The following EXT1 variants were observed in gnomAD, a reference collection of about 807,000 sequenced individuals.
The protein encoded by EXT1 is exostosin-1.
EXT1 carries 20 observed loss-of-function variants against 82.5 expected under a neutral mutation model. The observed-to-expected ratio is 0.24, with a 90% CI of 0.17 to 0.35. The LOEUF (loss-of-function observed/expected upper bound fraction) is 0.35, where lower values mean the gene tolerates loss of function less well. EXT1 is among the 10% of genes least tolerant of loss of function. The pLI, the probability that EXT1 is intolerant of heterozygous loss-of-function variation, is 1.00. For missense variants in EXT1, 757 were observed against 936.5 expected (o/e 0.81, Z 2.50); for synonymous variants, 348 against 350.8 (o/e 0.99, Z 0.09).
At chr8:117,807,694 CAAA>C (rs1823259395) in intron 8 of EXT1, among the ~76,000 whole-genome samples, 1 of 152,116 alleles carries the variant, frequency 6.6e-6, no homozygotes, top group African/African-American at 2.4e-5. Context: ...CCCCCTTCCT[CAAA>C]GGTGCACGTG....
chr8:117,970,465 G>C (rs1586316593), intron 1 of EXT1, among the ~76,000 whole-genome samples: 1 of 152,162 alleles, frequency 6.6e-6, no homozygotes, highest in Non-Finnish European at 1.5e-5. Context: ...ACCATGCCTG[G>C]CTAATTTTTT....
chr8:117,906,093 A>G (rs934287175), intron 1 of EXT1, among the ~76,000 whole-genome samples: 8 of 152,194 alleles, frequency 5.3e-5, no homozygotes, highest in African/African-American at 1.2e-4. Context: ...CCTGATTTGC[A>G]TGACTCTTGG....
intron 1 of EXT1, among the ~76,000 whole-genome samples, chr8:117,980,515 C>T (rs1363943172): frequency 6.6e-6 from 1 of 152,118 alleles, no homozygotes; most frequent in Non-Finnish European, 1.5e-5. Flanking sequence ...CACTAACAGC[C>T]CTTCAGTTAG....
intron 1 of EXT1, among the ~76,000 whole-genome samples, chr8:117,969,211 T>C (rs1335177195): frequency 6.6e-6 from 1 of 152,246 alleles, no homozygotes; most frequent in Non-Finnish European, 1.5e-5. Context: ...GGTCCCTTCC[T>C]TGTCATCCCT....
At chr8:117,912,116 G>C (rs1225463239) in intron 1 of EXT1, among the ~76,000 whole-genome samples, 1 of 152,180 alleles carries the variant, frequency 6.6e-6, no homozygotes, top group Non-Finnish European at 1.5e-5. Context: ...TGTTAGAAAT[G>C]AGGCACGATG....
chr8:118,108,450 G>A (rs1817836341), intron 1 of EXT1, among the ~76,000 whole-genome samples: 1 of 152,116 alleles, frequency 6.6e-6, no homozygotes, highest in Admixed American at 6.5e-5. Context: ...GCACCCACAG[G>A]AATAGGTCAA....
intron 1 of EXT1, among the ~76,000 whole-genome samples, chr8:117,970,627 G>A (rs1021430286): frequency 3.3e-5 from 5 of 152,080 alleles, no homozygotes; most frequent in African/African-American, 1.2e-4. Flanking sequence ...TTTCAACAGG[G>A]GCTTTCAAGG....
intron 1 of EXT1, among the ~76,000 whole-genome samples, chr8:117,922,789 A>G (rs1813881229): frequency 6.6e-6 from 1 of 152,154 alleles, no homozygotes; most frequent in Non-Finnish European, 1.5e-5. Flanking sequence ...AGTCCTAACC[A>G]TTATGTCTAT....
chr8:117,885,320 C>G (rs1159094542), intron 1 of EXT1, among the ~76,000 whole-genome samples: 2 of 152,092 alleles, frequency 1.3e-5, no homozygotes, highest in Non-Finnish European at 2.9e-5. Context: ...AAGATGGGAA[C>G]TTGCCTAGAG....
intron 8 of EXT1, among the ~76,000 whole-genome samples, chr8:117,810,966 C>T (rs1823308927): frequency 6.6e-6 from 1 of 152,162 alleles, no homozygotes; most frequent in Non-Finnish European, 1.5e-5. Context: ...GCAGCCTCTC[C>T]ATCCTAGTGC....
At chr8:118,078,669 A>G (rs1817254176) in intron 1 of EXT1, among the ~76,000 whole-genome samples, 1 of 152,214 alleles carries the variant, frequency 6.6e-6, no homozygotes, top group African/African-American at 2.4e-5. Flanking sequence ...GTAAACATGT[A>G]GCCTTTGGTT....
At chr8:117,872,352 T>C (rs970060778) in intron 1 of EXT1, among the ~76,000 whole-genome samples, 6 of 152,038 alleles carry the variant, frequency 3.9e-5, no homozygotes, top group South Asian at 2.1e-4. Context: ...GCAGGTAACA[T>C]TGTTTACTCA....
At chr8:117,974,637 T>C (rs149843241) in intron 1 of EXT1, among the ~76,000 whole-genome samples, 1 of 152,308 alleles carries the variant, frequency 6.6e-6, no homozygotes, top group African/African-American at 2.4e-5. Flanking sequence ...CAGCTAATTT[T>C]TGTATTTTTT....
At chr8:117,946,235 A>G (rs1335119316) in intron 1 of EXT1, among the ~76,000 whole-genome samples, 1 of 152,212 alleles carries the variant, frequency 6.6e-6, no homozygotes, top group Non-Finnish European at 1.5e-5. Flanking sequence ...ACTGTAATCT[A>G]ATATCAAAAG....
chr8:118,038,906 T>G (rs1586357606), intron 1 of EXT1, among the ~76,000 whole-genome samples: 2 of 152,222 alleles, frequency 1.3e-5, no homozygotes, highest in African/African-American at 4.8e-5. Flanking sequence ...CATCTCACAA[T>G]GTCTGTTCCT....
At chr8:118,015,610 T>C (rs930375925) in intron 1 of EXT1, among the ~76,000 whole-genome samples, 1 of 151,870 alleles carries the variant, frequency 6.6e-6, no homozygotes, top group Non-Finnish European at 1.5e-5. Context: ...AAGCCAGATG[T>C]TGGGGGAAGG....
At chr8:118,040,788 G>A (rs537552514) in intron 1 of EXT1, among the ~76,000 whole-genome samples, 1 of 152,180 alleles carries the variant, frequency 6.6e-6, no homozygotes, top group Non-Finnish European at 1.5e-5. Context: ...AAATGTTTGC[G>A]AATGAGATGA....
At chr8:117,979,364 A>G (rs1563619278) in intron 1 of EXT1, among the ~76,000 whole-genome samples, 1 of 147,920 alleles carries the variant, frequency 6.8e-6, no homozygotes, top group Admixed American at 6.6e-5. Context: ...AAAAACAAAC[A>G]AACAAACAAA....
chr8:118,013,982 T>C (rs552682902), intron 1 of EXT1, among the ~76,000 whole-genome samples: 134 of 152,216 alleles, frequency 8.8e-4, no homozygotes, highest in Non-Finnish European at 1.7e-3. Flanking sequence ...AAGCTCAATG[T>C]GTAATCCTAG....
Sources: gnomAD v4.1 joint callset for allele counts (sites outside exome capture counted in the v4.1 genomes callset) on GRCh38, gnomAD v4.1.1 for gene constraint, MANE v1.5 for transcripts, NCBI Gene and HGNC (gene_info 2026-07-23, HGNC 2026-07-21) for gene names.